The following OLFM1 variants were observed in gnomAD, a reference collection of about 807,000 sequenced individuals.
OLFM1 encodes the protein olfactomedin 1, also known as noelin.
In OLFM1, 9 loss-of-function variants were observed where a neutral mutation model predicts 49.7. The ratio of observed to expected loss-of-function variants is 0.18; its 90% CI spans 0.11 to 0.32. The LOEUF (loss-of-function observed/expected upper bound fraction) is 0.32, where lower values mean the gene tolerates loss of function less well. Ranked by LOEUF, OLFM1 falls within the 10% of genes least tolerant of loss-of-function variation. The probability of loss-of-function intolerance (pLI) is 1.00; values close to 1 mark genes in which losing one functional copy is unlikely to be tolerated. For missense variants in OLFM1, 369 were observed against 661.8 expected, an observed-to-expected ratio of 0.56 and a Z score of 4.85; for synonymous variants, 240 against 271.8, an observed-to-expected ratio of 0.88 and a Z score of 1.15.
At position 135,103,884 on chromosome 9, in the gene OLFM1, G is replaced by A. The variant is rs73562219; in HGVS notation, c.677-2865G>A. The stretch of plus-strand genomic sequence containing the variant: ...CTGTTGTTATTAGCCCATCTATAGA[G>A]AAGGAGAGGGAGTACACAGCAGCCC... On this transcript the variant is annotated intron_variant, in intron 4 of 5. Coordinates refer to ENST00000371793, the MANE Select transcript of OLFM1 (RefSeq NM_001282611.2). Among the ~76,000 whole-genome samples, 421 of 152,250 alleles carry A rather than the reference G, an allele frequency of 2.8e-3. 1 individual carries two copies. The highest frequency in any genetic ancestry group is 9.5e-3 in the African/African-American group (395 of 41,542).
At chr9:135,104,187 G>A (rs1354512814) in intron 4 of OLFM1, among the ~76,000 whole-genome samples, 6 of 152,190 alleles carry the variant, frequency 3.9e-5, no homozygotes, top group South Asian at 2.1e-4. Flanking sequence ...GGAAGGGCAC[G>A]TCTTTAGGGC....
In OLFM1 at chr9:135,090,273, G is replaced by C; in HGVS notation, c.229G>C (p.Val77Leu). Residue 77 changes from valine to leucine, a missense_variant, in exon 2 of 6, where the codon GTG (valine) becomes CTG (leucine). Val to Leu is a conservative substitution (Grantham distance 32). This residue lies in a region of OLFM1 where 294 missense variants were observed against 567.5 expected (regional missense o/e 0.52). Transcript: ENST00000371793. Reference sequence around the variant, plus strand: ...CAGCGAGGGCAGGTGTATCTGCACAGTGGTCGCTCCACAGCAGACCATGTG... The same window carrying C: ...CAGCGAGGGCAGGTGTATCTGCACACTGGTCGCTCCACAGCAGACCATGTG... ...QDSEGRCICT[V>L]VAPQQTMCSR... 6.2e-7 allele frequency: 1 copy of C among 1,614,140 alleles called. No individual in the cohort carries two copies. The highest frequency in any genetic ancestry group is 8.5e-7 in the Non-Finnish European group (1 of 1,180,036).
chr9:135,104,262 C>T (rs373438248), intron 4 of OLFM1, among the ~76,000 whole-genome samples: 3 of 152,130 alleles, frequency 2.0e-5, no homozygotes, highest in African/African-American at 4.8e-5. Flanking sequence ...GCCGGCACAC[C>T]AGGTGGAGGG....
In OLFM1 at chr9:135,088,515, A is replaced by G. The variant is rs1223708176; in HGVS notation, c.150+376A>G. On this transcript the variant is annotated intron_variant, in intron 1 of 5. Transcript: ENST00000371793. The surrounding 1 kb of genome is among the most constrained non-coding windows in gnomAD (Gnocchi z 4.8). ...GGCTGGGGACTTGGGGACTTGTCCA[A>G]GGTCACACTCAGCGAGTGAGGGGTG... Among the ~76,000 whole-genome samples the G allele has an allele frequency of 3.9e-5, 6 of 152,070 alleles. No homozygotes were observed. Among genetic ancestry groups the G allele is most frequent in the Admixed American group, 2.0e-4 (3 of 15,276 alleles).
At chr9:135,114,068 AC>A (rs1831060804) in intron 5 of OLFM1, among the ~76,000 whole-genome samples, 1 of 146,592 alleles carries the variant, frequency 6.8e-6, no homozygotes, top group Non-Finnish European at 1.5e-5. Context: ...TTATAAGGAC[AC>A]TTGTCACTGG....
chr9:135,114,860 C>T (rs375723680), intron 5 of OLFM1, among the ~76,000 whole-genome samples: 95 of 152,224 alleles, frequency 6.2e-4, no homozygotes, highest in African/African-American at 2.1e-3. Context: ...AGGAATGAGG[C>T]AGCGGGAACC....
chr9:135,111,854 C>T (rs372217252), intron 5 of OLFM1, among the ~76,000 whole-genome samples: 10 of 151,630 alleles, frequency 6.6e-5, no homozygotes, highest in Non-Finnish European at 1.3e-4. Flanking sequence ...GGATTACAGG[C>T]GCATGCCATC....
In OLFM1 at chr9:135,119,776, C is replaced by A. The variant is rs751669252; in HGVS notation, c.1056C>A (p.His352Gln). Residue 352 changes from histidine to glutamine, a missense_variant, in exon 6 of 6, where the codon CAC becomes CAA. By Grantham distance (24) the His-to-Gln change is conservative. Transcript: ENST00000371793. ...NNMYHYAWGG[H>Q]SDIDLMVDES... The stretch of plus-strand genomic sequence containing the variant: ...TGTACCACTACGCCTGGGGTGGCCA[C>A]TCGGACATCGACCTCATGGTGGACG... 6.2e-7 allele frequency: 1 copy of A among 1,613,886 alleles called. No homozygotes were observed. Among genetic ancestry groups the A allele is most frequent in the Non-Finnish European group, 8.5e-7 (1 of 1,180,026 alleles).
chr9:135,097,907 G>A, intron 3 of OLFM1: 2 of 1,548,032 alleles, frequency 1.3e-6, no homozygotes, highest in Non-Finnish European at 1.7e-6. Context: ...CCAATACTTA[G>A]CACCATTTCA....
At chr9:135,118,427 GCTGT>G (rs1831128249) in intron 5 of OLFM1, among the ~76,000 whole-genome samples, 1 of 116,126 alleles carries the variant, frequency 8.6e-6, no homozygotes, top group African/African-American at 3.6e-5. Flanking sequence ...TGGAGTGCTC[GCTGT>G]GTCTTTGGAG....
chr9:135,076,275 A>G lies in OLFM1; in HGVS notation c.96+473A>G, dbSNP rs1300277433. On this transcript the variant is annotated intron_variant, in intron 1 of 5. Transcript: ENST00000252854. ...CGCTGCCCTTGGGGGCTCCAGAAACAGGCGGTGGGGATTGTGCCGCTGAGA... is the reference window on the plus strand; with the variant it reads ...CGCTGCCCTTGGGGGCTCCAGAAACGGGCGGTGGGGATTGTGCCGCTGAGA... 8.4e-6 allele frequency: 13 copies of G among 1,550,466 alleles called. No individual in the cohort carries two copies. In the African/African-American group the frequency reaches 9.6e-5, roughly 11 times the overall value.
rs977824475 is a variant in OLFM1 at position 135,088,790 on chromosome 9, G to A, written c.150+651G>A. Among the ~76,000 whole-genome samples the A allele has an allele frequency of 6.6e-6, 1 of 152,174 alleles. No individual in the cohort carries two copies. The highest frequency in any genetic ancestry group is 2.4e-5 in the African/African-American group (1 of 41,450). On this transcript the variant is annotated intron_variant, in intron 1 of 5. Transcript: ENST00000371793. The surrounding 1 kb of genome is among the most constrained non-coding windows in gnomAD (Gnocchi z 4.8). ...GTGGGGCCCCTGGGAGCCTGCCCTT[G>A]GGCGCTCACCCCCTCGCCTTTGCCT...
chr9:135,114,489 A>T (rs1445872681), intron 5 of OLFM1, among the ~76,000 whole-genome samples: 1 of 151,998 alleles, frequency 6.6e-6, no homozygotes, highest in Non-Finnish European at 1.5e-5. Flanking sequence ...ATGTGGACCT[A>T]TCTTCTGGGG....
upstream of OLFM1, chr9:135,086,536 GC>G: frequency 4.6e-6 from 2 of 430,820 alleles, no homozygotes; most frequent in Admixed American, 5.0e-5. Context: ...ATTAATTTTC[GC>G]CCAGGCAGAG....
At chr9:135,093,944 T>A (rs895642196) in intron 2 of OLFM1, among the ~76,000 whole-genome samples, 3 of 152,236 alleles carry the variant, frequency 2.0e-5, no homozygotes, top group Non-Finnish European at 4.4e-5. Context: ...ATTTGTTTTT[T>A]AAATCTAAAG....
chr9:135,095,412 G>A (rs138485863), intron 2 of OLFM1, among the ~76,000 whole-genome samples: 8 of 152,044 alleles, frequency 5.3e-5, no homozygotes, highest in African/African-American at 1.4e-4. Context: ...ACCTGGGGGC[G>A]GGGCAGCCTA....
At chr9:135,081,352 C>T (rs1288003807) in intron 1 of OLFM1, among the ~76,000 whole-genome samples, 1 of 152,196 alleles carries the variant, frequency 6.6e-6, no homozygotes, top group East Asian at 1.9e-4. Context: ...GTGCTGCTGC[C>T]GGGTCGCCGA....
chr9:135,109,795 G>A (rs915630548), intron 5 of OLFM1, among the ~76,000 whole-genome samples: 3 of 152,186 alleles, frequency 2.0e-5, no homozygotes, highest in African/African-American at 7.2e-5. Context: ...GTGTGGCCAA[G>A]GGCAGAGGGG....
At chr9:135,083,815 C>T (rs1023538326), upstream of OLFM1, among the ~76,000 whole-genome samples, 3 of 152,200 alleles carry the variant, frequency 2.0e-5, no homozygotes, top group African/African-American at 7.2e-5. Flanking sequence ...GGCAGAGAGA[C>T]AGGGTGTGAC....
Sources: gnomAD v4.1 joint callset for allele counts (sites outside exome capture counted in the v4.1 genomes callset) on GRCh38, gnomAD v4.1.1 for gene constraint, gnomAD v4.1.1 regional missense constraint, Gnocchi (gnomAD v3.1) non-coding constraint, MANE v1.5 for transcripts, NCBI Gene and HGNC (gene_info 2026-07-23, HGNC 2026-07-21) for gene names.